Variants in DDX54 observed in about 807,000 individuals in gnomAD.
DDX54 encodes the protein DEAD-box helicase 54.
In DDX54, 67 loss-of-function variants were observed where a neutral mutation model predicts 105.5. The ratio of observed to expected loss-of-function variants is 0.64; its 90% CI spans 0.52 to 0.78. The LOEUF is 0.78. Among genes scored for constraint, DDX54 ranks in the 30% least tolerant of loss-of-function variants. The probability of loss-of-function intolerance (pLI) is 0.00; values close to 1 mark genes in which losing one functional copy is unlikely to be tolerated. For missense variants in DDX54, 1,206 were observed against 1,230.5 expected (o/e 0.98, Z 0.30); for synonymous variants, 514 against 509.9 (o/e 1.01, Z -0.11).
chr12:113,158,003 C>A lies in DDX54; in HGVS notation c.*874G>T. On this transcript the variant is annotated 3_prime_UTR_variant, in exon 20 of 20. Transcript: ENST00000306014. This position sits in a 1 kb window ranked among gnomAD's most constrained non-coding sequence, Gnocchi z 4.9. ...TGAAAAAAAACTCTTTGTCAGGTCT[C>A]AGAACAGGGTCCATGCTAGATGAGA... 2.6e-6 allele frequency: 1 copy of A among 382,664 alleles called. No individual in the cohort carries two copies. Among genetic ancestry groups the A allele is most frequent in the Non-Finnish European group, 4.9e-6 (1 of 204,924 alleles). 23.7% of individuals were successfully genotyped at this position (382,664 alleles called of 1,614,324 possible). A position where few individuals can be genotyped will look rare whatever the true frequency, so the allele number is the denominator to read the frequency against.
At chr12:113,177,211 G>T in intron 5 of DDX54, 118 bp from the exon 6 acceptor site, 1 of 1,231,320 alleles carries the variant, frequency 8.1e-7, no homozygotes, top group Non-Finnish European at 1.1e-6. Flanking sequence ...CCCAAGGCTT[G>T]GAACTGAGGA....
chr12:113,163,196 C>T lies in DDX54; in HGVS notation c.2017G>A (p.Ala673Thr), dbSNP rs1257432608. The change falls in exon 16 of 20, where the codon GCC (alanine) becomes ACC (threonine). Residue 673 changes from alanine (A) to threonine (T), a missense_variant. Physicochemically the swap from Ala to Thr is moderately conservative, Grantham distance 58. This residue lies in a region of DDX54 where 961 missense variants were observed against 1,019.1 expected (regional missense o/e 0.94). Coordinates refer to ENST00000306014, the MANE Select transcript of DDX54 (RefSeq NM_024072.4). The surrounding 1 kb of genome is among the most constrained non-coding windows in gnomAD (Gnocchi z 5.9). ...TAGAATTCCTGGTCCCGCTGCCGGG[C>T]CTCCTCCCTCCGCCTCTTGGCTCCC... ...NRGAKRRREE[A>T]RQRDQEFYIP... 1 of 1,612,490 alleles carries T rather than the reference C, an allele frequency of 6.2e-7. No individual in the cohort carries two copies. Among genetic ancestry groups the T allele is most frequent in the Non-Finnish European group, 8.5e-7 (1 of 1,179,998 alleles).
At chr12:113,175,472 G>A (rs2136323055) in intron 7 of DDX54, among the ~76,000 whole-genome samples, 1 of 152,246 alleles carries the variant, frequency 6.6e-6, no homozygotes, top group African/African-American at 2.4e-5. Context: ...CCCTAGGCGA[G>A]ATCCCATCTC....
intron 11 of DDX54, among the ~76,000 whole-genome samples, chr12:113,170,990 T>C (rs1423265551): frequency 6.6e-6 from 1 of 152,254 alleles, no homozygotes; most frequent in Non-Finnish European, 1.5e-5. Flanking sequence ...GGTTTGTCTC[T>C]GTATCTTGGG....
chr12:113,161,160 C>T, intron 19 of DDX54, 110 bp downstream of exon 19: 1 of 794,436 alleles, frequency 1.3e-6, no homozygotes, highest in Non-Finnish European at 1.9e-6. Flanking sequence ...CCAACACACC[C>T]AGCTCTGGGG....
rs549661114 is a variant in DDX54 at position 113,185,474 on chromosome 12, A to G, written c.-23T>C. On this transcript the variant is annotated 5_prime_UTR_variant, in exon 1 of 20. Coordinates refer to ENST00000306014, the MANE Select transcript of DDX54 (RefSeq NM_024072.4). ...CATTCGGGCCGCGCGCTGGGAACGC[A>G]GAAGGGGGCGTGGCCTGAGGAGCGC... The G allele has an allele frequency of 2.1e-4, 312 of 1,483,268 alleles. No individual in the cohort carries two copies. In the African/African-American group the frequency reaches 3.4e-3, roughly 16 times the overall value. The allele number at this position is 1,483,268 out of a possible 1,614,324, so 91.9% of individuals were successfully genotyped here.
intron 10 of DDX54, among the ~76,000 whole-genome samples, chr12:113,173,520 C>T (rs763341419): frequency 6.6e-6 from 1 of 152,124 alleles, no homozygotes; most frequent in East Asian, 1.9e-4. Flanking sequence ...CAGGCACCAA[C>T]GGAAAGGGGC....
chr12:113,174,922 C>T lies in DDX54; in HGVS notation c.889G>A (p.Val297Met), dbSNP rs780849124. 57 of 1,613,322 alleles carry T rather than the reference C, an allele frequency of 3.5e-5. No individual in the cohort carries two copies. The highest frequency in any genetic ancestry group is 3.5e-4 in the South Asian group (32 of 91,020). The change falls in exon 9 of 20, where the codon GTG becomes ATG. Residue 297 changes from valine (V) to methionine (M), a missense_variant. Physicochemically the swap from Val to Met is conservative, Grantham distance 21. Transcript: ENST00000306014. ...GTATCCACGTCAAGCCGGATGAGCA[C>T]GGGCTCCGTGAGGCCTGCAGGAGAC... ...EFARAGLTEPVLIRLDVDTKL... is the reference protein window; with the variant it reads ...EFARAGLTEPMLIRLDVDTKL...
intron 10 of DDX54, among the ~76,000 whole-genome samples, chr12:113,174,059 G>A (rs1952368509): frequency 6.6e-6 from 1 of 151,924 alleles, no homozygotes; most frequent in Non-Finnish European, 1.5e-5. Context: ...GGCGCCTGAA[G>A]TCTCAGCTAC....
intron 11 of DDX54, among the ~76,000 whole-genome samples, chr12:113,170,774 C>T (rs557502956): frequency 1.3e-5 from 2 of 152,242 alleles, no homozygotes; most frequent in South Asian, 4.2e-4. Context: ...ACAGTATGGT[C>T]CACAAAGCCT....
chr12:113,164,215 T>G lies in DDX54; in HGVS notation c.1790A>C (p.Asp597Ala). The G allele has an allele frequency of 6.3e-7, 1 of 1,586,786 alleles. No individual in the cohort carries two copies. The highest frequency in any genetic ancestry group is 8.6e-7 in the Non-Finnish European group (1 of 1,167,504). Residue 597 changes from aspartate (D) to alanine (A), a missense_variant, in exon 15 of 20, where the codon GAC (aspartate) becomes GCC (alanine). Around this residue, in one of 3 missense-constraint regions of DDX54, gnomAD observed 961 missense variants for 1,019.1 expected, o/e 0.94. Coordinates refer to ENST00000306014, the MANE Select transcript of DDX54 (RefSeq NM_024072.4). The part of the protein sequence containing the change: ...SQVMRAKRQK[D>A]RKAIARFQQG... ...CTGGAAGCGGGCGATGGCCTTGCGG[T>G]CCTTCTGCCGCTTGGCGCGCATCAC... is the stretch of plus-strand genomic sequence containing the variant.
At chr12:113,180,819 TACCCAACC>T in intron 2 of DDX54, 102 bp downstream of exon 2, 1 of 1,549,240 alleles carries the variant, frequency 6.5e-7, no homozygotes. Context: ...TACCCCGGTC[TACCCAACC>T]ACAGTGCTGG....
Position 113,157,864 on chromosome 12 carries a change from C to T in DDX54, c.*1013G>A, listed in dbSNP as rs543234356. ...CCATGAGGGGCACATAGCAAGCACTCCATAAATGCAGGCCCTGATGAGGAG... is the reference window on the plus strand; with the variant it reads ...CCATGAGGGGCACATAGCAAGCACTTCATAAATGCAGGCCCTGATGAGGAG... On this transcript the variant is annotated 3_prime_UTR_variant, in exon 20 of 20. Transcript: ENST00000306014. 1.6e-6 allele frequency: 1 copy of T among 607,158 alleles called. No homozygotes were observed. The highest frequency in any genetic ancestry group is 3.0e-6 in the Non-Finnish European group (1 of 338,138). 37.6% of individuals were successfully genotyped at this position (607,158 alleles called of 1,614,324 possible).
intron 12 of DDX54, among the ~76,000 whole-genome samples, chr12:113,169,052 G>A (rs1336882083): frequency 6.6e-6 from 1 of 151,988 alleles, no homozygotes; most frequent in Non-Finnish European, 1.5e-5. Flanking sequence ...GCCTGCAGGG[G>A]CTGGGCAGGC....
At chr12:113,174,233 T>C (rs1246416095) in intron 10 of DDX54, among the ~76,000 whole-genome samples, 1 of 149,992 alleles carries the variant, frequency 6.7e-6, no homozygotes, top group Non-Finnish European at 1.5e-5. Context: ...ATCCCAGTAC[T>C]ATGGGAGGCC....
chr12:113,181,172 C>T (rs1036916465), intron 1 of DDX54, 114 bp from the exon 2 acceptor site: 25 of 1,279,998 alleles, frequency 2.0e-5, no homozygotes, highest in Admixed American at 6.7e-5. Flanking sequence ...ATGATGCTTC[C>T]GCCAGATCAC....
chr12:113,166,446 A>T (rs1473649009), intron 12 of DDX54, among the ~76,000 whole-genome samples: 1 of 152,160 alleles, frequency 6.6e-6, no homozygotes, highest in East Asian at 1.9e-4. Context: ...CATGCCTATA[A>T]TCTCAGAGTT....
intron 12 of DDX54, chr12:113,167,909 C>A: frequency 2.0e-6 from 1 of 508,898 alleles, no homozygotes; most frequent in Admixed American, 2.0e-5. Flanking sequence ...TCCTGCCTGT[C>A]ACTGGGCCCC....
chr12:113,178,630 C>T (rs749194093), intron 5 of DDX54: 8 of 211,322 alleles, frequency 3.8e-5, no homozygotes, highest in Non-Finnish European at 7.6e-5. Context: ...GCAACCTCCA[C>T]CTCCTGGGTT....
Sources: gnomAD v4.1 joint callset for allele counts (sites outside exome capture counted in the v4.1 genomes callset) on GRCh38, gnomAD v4.1.1 for gene constraint, gnomAD v4.1.1 regional missense constraint, Gnocchi (gnomAD v3.1) non-coding constraint, MANE v1.5 for transcripts, NCBI Gene and HGNC (gene_info 2026-07-23, HGNC 2026-07-21) for gene names.